The following SNX29 variants were observed in gnomAD, a reference collection of about 807,000 sequenced individuals.
SNX29 encodes the protein sorting nexin 29, also known as sorting nexin-29.
Under a neutral mutation model 102.1 loss-of-function variants are expected in SNX29, and 78 were observed. The ratio of observed to expected loss-of-function variants is 0.76; its 90% CI spans 0.64 to 0.92. The LOEUF is 0.92. Among genes scored for constraint, SNX29 ranks in the 40% least tolerant of loss-of-function variants. SNX29 has a pLI of 0.00. For missense variants in SNX29, 1,280 were observed against 1,061.7 expected (o/e 1.21, Z -2.86); for synonymous variants, 580 against 414.5 (o/e 1.40, Z -4.85).
chr16:12,122,297 ACT>A (rs2054006469), intron 11 of SNX29, among the ~76,000 whole-genome samples: 1 of 151,658 alleles, frequency 6.6e-6, no homozygotes, highest in South Asian at 2.1e-4. Context: ...CTTCTGGAAG[ACT>A]CTACATGATG....
chr16:12,440,919 T>C (rs957840026), intron 18 of SNX29, among the ~76,000 whole-genome samples: 1 of 152,194 alleles, frequency 6.6e-6, no homozygotes, highest in African/African-American at 2.4e-5. Context: ...CATGTGTCTT[T>C]ATAATAGAAT....
chr16:12,403,202 ATGTGTGTGTGTGTGTG>A (rs67193889), intron 17 of SNX29, among the ~76,000 whole-genome samples: 73 of 70,946 alleles, frequency 1.0e-3, no homozygotes, highest in South Asian at 8.2e-3. Context: ...TTGTGTGTGT[ATGTGTGTGTGTGTGTG>A]TGTGTGTGTG....
chr16:11,986,693 C>A (rs1018384900), intron 1 of SNX29, among the ~76,000 whole-genome samples: 3 of 152,120 alleles, frequency 2.0e-5, no homozygotes, highest in Admixed American at 6.6e-5. Flanking sequence ...ACAGTCAATT[C>A]CATTTATGGT....
intron 15 of SNX29, among the ~76,000 whole-genome samples, chr16:12,319,693 A>G (rs2080865541): frequency 6.6e-6 from 1 of 152,022 alleles, no homozygotes; most frequent in Non-Finnish European, 1.5e-5. Flanking sequence ...AGGAGAGAAG[A>G]TTGTCTCGGC....
intron 8 of SNX29, among the ~76,000 whole-genome samples, chr16:12,053,874 A>G (rs1177969811): frequency 6.6e-6 from 1 of 152,140 alleles, no homozygotes; most frequent in Non-Finnish European, 1.5e-5. Context: ...AGACAGAAGA[A>G]CAGGATTCCA....
At chr16:12,464,457 C>T (rs141376333) in intron 18 of SNX29, among the ~76,000 whole-genome samples, 23 of 151,962 alleles carry the variant, frequency 1.5e-4, no homozygotes, top group Non-Finnish European at 3.4e-4. Context: ...TTTTATTTTT[C>T]AGTTAGTTAA....
intron 13 of SNX29, among the ~76,000 whole-genome samples, chr16:12,156,214 C>T (rs2055543554): frequency 6.6e-6 from 1 of 152,114 alleles, no homozygotes; most frequent in Non-Finnish European, 1.5e-5. Flanking sequence ...TGCTCTGTCG[C>T]CCAGGCTGGA....
At chr16:11,999,499 C>A in intron 2 of SNX29, 141 bp downstream of exon 2, 1 of 857,198 alleles carries the variant, frequency 1.2e-6, no homozygotes, top group Non-Finnish European at 1.8e-6. Flanking sequence ...TCATTTTTCC[C>A]AGGAAATGAT....
chr16:12,568,796 T>TCGAGCC lies in SNX29; in HGVS notation c.*168_*173dup. 9.2e-7 allele frequency: 1 copy of TCGAGCC among 1,090,014 alleles called. No homozygotes were observed. Among genetic ancestry groups the TCGAGCC allele is most frequent in the Non-Finnish European group, 1.3e-6 (1 of 782,090 alleles). 67.5% of individuals were successfully genotyped at this position (1,090,014 alleles called of 1,614,324 possible). On this transcript the variant is annotated 3_prime_UTR_variant, in exon 21 of 21. Coordinates refer to ENST00000566228, the MANE Select transcript of SNX29 (RefSeq NM_032167.5). ...ACACCCCGATTAAACTAATCAGTCT[T>TCGAGCC]CGAGCCGCATGATACCGTGACCCGA...
chr16:11,992,579 A>G (rs1017047453), intron 1 of SNX29, among the ~76,000 whole-genome samples: 27 of 151,870 alleles, frequency 1.8e-4, no homozygotes, highest in African/African-American at 5.1e-4. Flanking sequence ...CAGGTTCCCA[A>G]TTGTTCAGTG....
chr16:12,051,245 T>C lies in SNX29; in HGVS notation c.749-602T>C, dbSNP rs550490728. On this transcript the variant is annotated intron_variant, in intron 7 of 20. Transcript: ENST00000566228. ...TCAGGAGGCTGAGGGCAGAGGATTGTTTGATCCCAGGAATTTGAGGTTACA... is the reference window on the plus strand; with the variant it reads ...TCAGGAGGCTGAGGGCAGAGGATTGCTTGATCCCAGGAATTTGAGGTTACA... Among the ~76,000 whole-genome samples the C allele has an allele frequency of 7.2e-5, 11 of 151,964 alleles. No individual in the cohort carries two copies. In the East Asian group the frequency reaches 1.5e-3, roughly 21 times the overall value.
chr16:12,088,914 C>A lies in SNX29; in HGVS notation c.1402+9999C>A, dbSNP rs987513177. Among the ~76,000 whole-genome samples, 18 of 152,214 alleles carry A rather than the reference C, an allele frequency of 1.2e-4. No individual in the cohort carries two copies. The East Asian group carries it at 3.3e-3, about 28-fold the overall frequency. ...ACCAGCCTGGCCAACACAGCGAAAC[C>A]CCATCTCTACTGACAGTACAAAAAT... On this transcript the variant is annotated intron_variant, in intron 11 of 20. Coordinates refer to ENST00000566228, the MANE Select transcript of SNX29 (RefSeq NM_032167.5).
intron 7 of SNX29, among the ~76,000 whole-genome samples, chr16:12,050,856 C>T (rs937763598): frequency 4.6e-5 from 7 of 151,996 alleles, no homozygotes; most frequent in African/African-American, 7.2e-5. Context: ...GGATTACAGG[C>T]ACCTGCCACC....
chr16:12,042,595 T>C (rs2049928113), intron 4 of SNX29, among the ~76,000 whole-genome samples: 1 of 152,220 alleles, frequency 6.6e-6, no homozygotes, highest in Non-Finnish European at 1.5e-5. Flanking sequence ...GTTTTCTATT[T>C]CTGTGTAATT....
At chr16:12,015,798 G>A (rs2056829676) in intron 3 of SNX29, among the ~76,000 whole-genome samples, 1 of 151,910 alleles carries the variant, frequency 6.6e-6, no homozygotes, top group Non-Finnish European at 1.5e-5. Flanking sequence ...GCCTCCCAAA[G>A]TGCTAGGATT....
intron 1 of SNX29, among the ~76,000 whole-genome samples, chr16:11,987,075 AT>A (rs892780045): frequency 6.6e-6 from 1 of 151,956 alleles, no homozygotes; most frequent in Middle Eastern, 3.4e-3. Flanking sequence ...TTTCTGTCTT[AT>A]TTTTTTGAGA....
chr16:12,081,078 T>C (rs2151353046), intron 11 of SNX29, among the ~76,000 whole-genome samples: 1 of 152,336 alleles, frequency 6.6e-6, no homozygotes, highest in Non-Finnish European at 1.5e-5. Context: ...AGAGTCACTA[T>C]GAGTTAACGA....
intron 15 of SNX29, among the ~76,000 whole-genome samples, chr16:12,322,219 G>A (rs553686802): frequency 6.6e-6 from 1 of 152,152 alleles, no homozygotes. Flanking sequence ...TGATGGGAGT[G>A]GGGAGAACTC....
At chr16:12,491,927 C>T (rs1320040193) in intron 19 of SNX29, among the ~76,000 whole-genome samples, 9 of 152,152 alleles carry the variant, frequency 5.9e-5, no homozygotes, top group African/African-American at 1.2e-4. Context: ...TCCAGTCTAT[C>T]GTTGTTGGAC....
Sources: allele counts gnomAD v4.1 joint callset (sites outside exome capture counted in the v4.1 genomes callset), GRCh38; gene constraint gnomAD v4.1.1; transcripts MANE v1.5; gene names NCBI Gene and HGNC (gene_info 2026-07-23, HGNC 2026-07-21).